The following PCDHA2 variants were observed in gnomAD, a reference collection of about 807,000 sequenced individuals.
PCDHA2 encodes protocadherin alpha 2.
A neutral mutation model predicts 66.0 loss-of-function variants in PCDHA2; 58 were observed. The observed-to-expected ratio is 0.88, with a 90% CI of 0.71 to 1.09. The LOEUF (loss-of-function observed/expected upper bound fraction) is 1.09. PCDHA2 is among the 50% of genes least tolerant of loss of function. PCDHA2 has a pLI of 0.00. For synonymous variants in PCDHA2, 634 were observed against 554.0 expected (o/e 1.14, Z -2.03); for missense variants, 1,267 against 1,242.3 (o/e 1.02, Z -0.30).
intron 2 of PCDHA2, among the ~76,000 whole-genome samples, chr5:140,979,920 C>T (rs1554241253): frequency 6.6e-6 from 1 of 152,206 alleles, no homozygotes; most frequent in Non-Finnish European, 1.5e-5. Flanking sequence ...AAGAGAAAGC[C>T]TACAAAGTAT....
At chr5:140,897,758 C>T (rs2066305789) in intron 1 of PCDHA2, among the ~76,000 whole-genome samples, 3 of 152,140 alleles carry the variant, frequency 2.0e-5, no homozygotes, top group Non-Finnish European at 4.4e-5. Context: ...CCTGAGGAAT[C>T]GCCACACTGA....
At chr5:140,801,618 T>C in intron 1 of PCDHA2, 1 of 1,614,100 alleles carries the variant, frequency 6.2e-7, no homozygotes, top group East Asian at 2.2e-5. Context: ...AAAGAATCTG[T>C]TTATTTCCGA....
intron 1 of PCDHA2, chr5:140,868,892 A>G (rs1450985948): frequency 3.9e-6 from 3 of 760,982 alleles, no homozygotes; most frequent in Non-Finnish European, 4.1e-6. Context: ...TTTTAGGCGC[A>G]AGGTGTCGCT....
intron 1 of PCDHA2, chr5:140,866,014 C>A (rs187025106): frequency 1.3e-5 from 2 of 152,026 alleles, no homozygotes; most frequent in East Asian, 3.9e-4. Flanking sequence ...TGATTTTTTT[C>A]TTGTAAGAGT....
chr5:140,831,488 T>TAGC (rs2150194785), intron 1 of PCDHA2, among the ~76,000 whole-genome samples: 86,389 of 148,520 alleles, frequency 0.58, 25,934 homozygotes, highest in African/African-American at 0.72. Context: ...GCCTCTGGAG[T>TAGC]TACTACACAC....
At position 140,946,631 on chromosome 5, in the gene PCDHA2, T is replaced by TATATATATATATATATACAC. The variant is rs57893927; in HGVS notation, c.2389-32317_2389-32316insTATATATATATATATACACA. 2.9e-4 allele frequency among the ~76,000 whole-genome samples: 38 copies of TATATATATATATATATACAC among 131,846 alleles called. No individual in the cohort carries two copies. The East Asian group carries it at 4.9e-3, about 17-fold the overall frequency. The allele number at this position is 131,846 out of a possible 152,430, so 86.5% of individuals were successfully genotyped here. A position where few individuals can be genotyped will look rare whatever the true frequency, so the allele number is the denominator to read the frequency against. On this transcript the variant is annotated intron_variant, in intron 1 of 3. Transcript: ENST00000526136. ...TGTGAAATATATATATATATATATATACAATGGAATACTCATCAGCCATTA... is the reference window on the plus strand; with the variant it reads ...TGTGAAATATATATATATATATATATATATATATATATATATACACACAATGGAATACTCATCAGCCATTA...
intron 1 of PCDHA2, chr5:140,823,513 G>T: frequency 6.2e-7 from 1 of 1,613,474 alleles, no homozygotes; most frequent in Non-Finnish European, 8.5e-7. Context: ...GAGCGAGCTG[G>T]TGCCGAGGTC....
chr5:140,836,612 C>T (rs2150265551), intron 1 of PCDHA2: 9 of 1,613,516 alleles, frequency 5.6e-6, no homozygotes, highest in East Asian at 2.2e-5. Flanking sequence ...TGTGCTCCAG[C>T]GCGGTGGGGA....
At chr5:140,845,850 G>C (rs2150381822) in intron 1 of PCDHA2, among the ~76,000 whole-genome samples, 1 of 149,860 alleles carries the variant, frequency 6.7e-6, no homozygotes, top group East Asian at 1.9e-4. Flanking sequence ...GAGAAAAGAA[G>C]TTAGTGATTG....
chr5:140,836,947 T>C (rs1208330936), intron 1 of PCDHA2: 5 of 442,006 alleles, frequency 1.1e-5, no homozygotes, highest in Non-Finnish European at 1.9e-5. Flanking sequence ...GATCAAAATC[T>C]ATGGTTTATG....
chr5:140,967,539 A>G (rs1554229656), intron 1 of PCDHA2: 2 of 1,613,730 alleles, frequency 1.2e-6, no homozygotes, highest in African/African-American at 1.3e-5. Flanking sequence ...CCTGCCTTTG[A>G]CCAGTCCACT....
At chr5:140,827,829 G>A (rs1007724850) in intron 1 of PCDHA2, 4 of 411,314 alleles carry the variant, frequency 9.7e-6, no homozygotes, top group African/African-American at 8.0e-5. Context: ...TATAAAAGTA[G>A]AGAAAAGAAG....
intron 3 of PCDHA2, among the ~76,000 whole-genome samples, chr5:140,990,073 GA>G (rs1319076601): frequency 2.6e-5 from 4 of 152,060 alleles, no homozygotes; most frequent in Non-Finnish European, 5.9e-5. Context: ...AAATAAGGGG[GA>G]CAAAGGATGC....
chr5:140,899,230 G>A (rs1487839667), intron 1 of PCDHA2, among the ~76,000 whole-genome samples: 4 of 152,058 alleles, frequency 2.6e-5, no homozygotes, highest in Admixed American at 6.5e-5. Flanking sequence ...ACACTATGTT[G>A]AATAGGAGTG....
intron 1 of PCDHA2, among the ~76,000 whole-genome samples, chr5:140,832,841 G>C (rs1249318622): frequency 2.6e-5 from 4 of 152,146 alleles, no homozygotes; most frequent in African/African-American, 9.6e-5. Context: ...CCTTGTTGAA[G>C]GAGACCGTGA....
intron 1 of PCDHA2, among the ~76,000 whole-genome samples, chr5:140,924,530 C>T (rs1263885513): frequency 6.6e-6 from 1 of 152,002 alleles, no homozygotes; most frequent in Non-Finnish European, 1.5e-5. Context: ...AGAGAATGCC[C>T]GAGCTACCCC....
At chr5:140,806,853 G>C (rs3756337) in intron 1 of PCDHA2, 133,484 of 296,122 alleles carry the variant, frequency 0.45, 31,281 homozygotes, top group South Asian at 0.54. Context: ...CAATCAATCA[G>C]TGGTACAATG....
chr5:140,877,094 G>C, intron 1 of PCDHA2: 1 of 1,613,310 alleles, frequency 6.2e-7, no homozygotes, highest in Non-Finnish European at 8.5e-7. Flanking sequence ...CGCGACGCCG[G>C]CGTGCCGCCT....
chr5:140,872,623 T>C (rs960064096), intron 1 of PCDHA2, among the ~76,000 whole-genome samples: 3 of 152,152 alleles, frequency 2.0e-5, no homozygotes, highest in African/African-American at 4.8e-5. Flanking sequence ...TTGCCTGTTC[T>C]TGATTTTGTT....
Sources: allele counts gnomAD v4.1 joint callset (sites outside exome capture counted in the v4.1 genomes callset), GRCh38; gene constraint gnomAD v4.1.1; transcripts MANE v1.5; gene names NCBI Gene and HGNC (gene_info 2026-07-23, HGNC 2026-07-21).